RANBP17: variants seen among roughly 807,000 people sequenced by gnomAD.
The protein encoded by RANBP17 is ran-binding protein 17.
A neutral mutation model predicts 141.2 loss-of-function variants in RANBP17; 158 were observed. The ratio of observed to expected loss-of-function variants is 1.12; its 90% confidence interval spans 0.98 to 1.28. RANBP17 has a LOEUF of 1.28. Ranked by LOEUF, RANBP17 falls within the 50% of genes most tolerant of loss-of-function variation. The pLI, the probability that RANBP17 is intolerant of heterozygous loss-of-function variation, is 0.00. For synonymous variants in RANBP17, 430 were observed against 450.0 expected (o/e 0.96, Z 0.56); for missense variants, 1,438 against 1,290.7 (o/e 1.11, Z -1.75).
intron 24 of RANBP17, among the ~76,000 whole-genome samples, chr5:171,246,146 G>A (rs1234244229): frequency 1.3e-5 from 2 of 152,158 alleles, no homozygotes; most frequent in South Asian, 2.1e-4. Flanking sequence ...CTCCGAAAGT[G>A]CTGGGATTAC....
At chr5:170,912,948 T>C (rs143910413) in intron 7 of RANBP17, among the ~76,000 whole-genome samples, 2 of 151,892 alleles carry the variant, frequency 1.3e-5, no homozygotes, top group African/African-American at 4.8e-5. Context: ...AAGAAAAAAA[T>C]TCTAAAACTT....
intron 22 of RANBP17, among the ~76,000 whole-genome samples, chr5:171,238,590 A>C (rs748155763): frequency 7.2e-5 from 11 of 152,146 alleles, no homozygotes; most frequent in Non-Finnish European, 1.3e-4. Flanking sequence ...AATTACCAAA[A>C]TTACCCTAGC....
At chr5:170,917,545 G>A (rs1396616650) in intron 9 of RANBP17, among the ~76,000 whole-genome samples, 3 of 152,018 alleles carry the variant, frequency 2.0e-5, no homozygotes, top group Non-Finnish European at 4.4e-5. Flanking sequence ...AATAAATTTT[G>A]GGGGGTGACA....
chr5:170,980,954 G>A lies in RANBP17; in HGVS notation c.1710+12577G>A, dbSNP rs1777726593. On this transcript the variant is annotated intron_variant, in intron 14 of 27. Transcript: ENST00000523189. ...AGTAGAGGGGAGTCTACCCTGCAGA[G>A]CCACAGGAGCGGAGCTACCCAAGAC... Among the ~76,000 whole-genome samples the A allele has an allele frequency of 2.0e-5, 3 of 152,288 alleles. No homozygotes were observed. The South Asian group carries it at 6.2e-4, about 32-fold the overall frequency.
intron 12 of RANBP17, among the ~76,000 whole-genome samples, chr5:170,933,740 AT>A (rs1223849769): frequency 6.6e-6 from 1 of 152,106 alleles, no homozygotes; most frequent in Non-Finnish European, 1.5e-5. Context: ...GAGTTTCTTA[AT>A]CCTGAGTTCT....
chr5:171,287,605 C>A (rs2964519), intron 25 of RANBP17, among the ~76,000 whole-genome samples: 85,575 of 150,636 alleles, frequency 0.57, 25,952 homozygotes, highest in South Asian at 0.77. Flanking sequence ...TCCCCAGTCC[C>A]CACCCCCTAT....
chr5:171,188,287 G>A (rs981782099), intron 18 of RANBP17, among the ~76,000 whole-genome samples: 5 of 152,196 alleles, frequency 3.3e-5, no homozygotes, highest in Non-Finnish European at 5.9e-5. Context: ...TAGGCAAGTC[G>A]GAGATGTAAC....
rs865973150 is a variant in RANBP17 at position 171,003,961 on chromosome 5, A to G, written c.1710+35584A>G. 9.2e-5 allele frequency among the ~76,000 whole-genome samples: 14 copies of G among 152,350 alleles called. No individual in the cohort carries two copies. The Middle Eastern group carries it at 0.01, about 111-fold the overall frequency. The stretch of plus-strand genomic sequence containing the variant: ...GTTGGGCACCACAGGGTGGATAGGC[A>G]AAACAATTTGGTTGATAAGGCACAG... On this transcript the variant is annotated intron_variant, in intron 14 of 27. Transcript: ENST00000523189.
At chr5:171,123,115 T>A (rs1756163983) in intron 14 of RANBP17, among the ~76,000 whole-genome samples, 1 of 152,180 alleles carries the variant, frequency 6.6e-6, no homozygotes, top group Non-Finnish European at 1.5e-5. Context: ...CCATATACAG[T>A]AACCCTGACC....
chr5:171,223,550 G>A (rs1160581381), intron 22 of RANBP17, among the ~76,000 whole-genome samples: 3 of 152,156 alleles, frequency 2.0e-5, no homozygotes, highest in Non-Finnish European at 2.9e-5. Flanking sequence ...CAGGAGGATC[G>A]TTTGAACCCG....
intron 14 of RANBP17, among the ~76,000 whole-genome samples, chr5:171,057,823 G>A (rs1245264504): frequency 6.6e-6 from 1 of 152,034 alleles, no homozygotes; most frequent in Admixed American, 6.6e-5. Flanking sequence ...GATCTTCTGA[G>A]AACTCACTAT....
chr5:171,131,300 T>C (rs1229665934), intron 14 of RANBP17, among the ~76,000 whole-genome samples: 3 of 152,230 alleles, frequency 2.0e-5, no homozygotes, highest in African/African-American at 7.2e-5. Flanking sequence ...GTGGTTCCTA[T>C]TTATATCTGC....
intron 12 of RANBP17, among the ~76,000 whole-genome samples, chr5:170,935,473 G>A (rs947206073): frequency 1.3e-5 from 2 of 152,156 alleles, no homozygotes; most frequent in African/African-American, 4.8e-5. Flanking sequence ...TGATGGTGAC[G>A]TATGGATGGG....
At chr5:171,101,827 G>T (rs1246540242) in intron 14 of RANBP17, among the ~76,000 whole-genome samples, 1 of 152,156 alleles carries the variant, frequency 6.6e-6, no homozygotes, top group African/African-American at 2.4e-5. Flanking sequence ...TGTCTGTAAA[G>T]AATTTTATTT....
At chr5:171,101,565 A>G (rs1305303227) in intron 14 of RANBP17, among the ~76,000 whole-genome samples, 2 of 152,070 alleles carry the variant, frequency 1.3e-5, no homozygotes, top group Non-Finnish European at 2.9e-5. Context: ...TCCGTCTGTG[A>G]CTTTTAATTT....
intron 14 of RANBP17, among the ~76,000 whole-genome samples, chr5:171,139,460 A>ATGGTAGGC (rs1757546059): frequency 6.6e-6 from 1 of 152,274 alleles, no homozygotes; most frequent in Non-Finnish European, 1.5e-5. Flanking sequence ...TGCTTGGCCC[A>ATGGTAGGC]TGGTAGGCAT....
intron 11 of RANBP17, among the ~76,000 whole-genome samples, chr5:170,921,731 T>A (rs1772484705): frequency 6.6e-6 from 1 of 152,164 alleles, no homozygotes; most frequent in Admixed American, 6.5e-5. Flanking sequence ...CATGGAATGT[T>A]TTATCAAGGT....
At chr5:171,094,445 A>G (rs1161304198) in intron 14 of RANBP17, among the ~76,000 whole-genome samples, 1 of 152,180 alleles carries the variant, frequency 6.6e-6, no homozygotes, top group East Asian at 1.9e-4. Flanking sequence ...CTATAAATTG[A>G]ACCTTAATTT....
At chr5:171,168,842 G>A (rs557419787) in intron 14 of RANBP17, among the ~76,000 whole-genome samples, 12 of 151,770 alleles carry the variant, frequency 7.9e-5, no homozygotes, top group Non-Finnish European at 1.5e-4. Flanking sequence ...CTCTCTCTCT[G>A]TTTCTCTCTC....
Sources: allele counts gnomAD v4.1 joint callset (sites outside exome capture counted in the v4.1 genomes callset), GRCh38; gene constraint gnomAD v4.1.1; transcripts MANE v1.5; gene names NCBI Gene and HGNC (gene_info 2026-07-23, HGNC 2026-07-21).